The following CFAP299 variants were observed in gnomAD, a reference collection of about 807,000 sequenced individuals.
CFAP299 encodes the protein cilia- and flagella-associated protein 299.
A neutral mutation model predicts 27.0 loss-of-function variants in CFAP299; 21 were observed. The ratio of observed to expected loss-of-function variants is 0.78; its 90% CI spans 0.55 to 1.12. The LOEUF is 1.12. CFAP299 is among the 50% of genes most tolerant of loss of function. The pLI, the probability that CFAP299 is intolerant of heterozygous loss-of-function variation, is 0.00. For synonymous variants in CFAP299, 104 were observed against 98.1 expected, an observed-to-expected ratio of 1.06 and a Z score of -0.36; for missense variants, 310 against 276.6, an observed-to-expected ratio of 1.12 and a Z score of -0.86.
At chr4:80,610,377 A>C (rs538369612) in intron 3 of CFAP299, among the ~76,000 whole-genome samples, 7 of 152,218 alleles carry the variant, frequency 4.6e-5, no homozygotes, top group Non-Finnish European at 1.0e-4. Flanking sequence ...CATTTAAGAA[A>C]GCAAGAGCAA....
chr4:80,917,046 T>C (rs1735800467), intron 4 of CFAP299, among the ~76,000 whole-genome samples: 1 of 152,024 alleles, frequency 6.6e-6, no homozygotes, highest in African/African-American at 2.4e-5. Flanking sequence ...GAAGAAAAAG[T>C]GTGGCGGCAA....
At chr4:80,388,306 A>T in intron 2 of CFAP299, 1 of 687,908 alleles carries the variant, frequency 1.5e-6, no homozygotes, top group Non-Finnish European at 2.7e-6. Flanking sequence ...TGAGCAAGTC[A>T]TTGCTTACCA....
At chr4:80,767,640 T>C (rs1267962089) in intron 3 of CFAP299, among the ~76,000 whole-genome samples, 2 of 152,006 alleles carry the variant, frequency 1.3e-5, no homozygotes, top group African/African-American at 2.4e-5. Flanking sequence ...AAATAAAACC[T>C]TGTACTATAC....
At chr4:80,461,244 C>G (rs931587436) in intron 2 of CFAP299, among the ~76,000 whole-genome samples, 3 of 152,066 alleles carry the variant, frequency 2.0e-5, no homozygotes, top group African/African-American at 7.2e-5. Flanking sequence ...AGTTAATTCT[C>G]TCTTGGATCA....
chr4:80,431,489 T>TTCCTCC (rs748286463), intron 2 of CFAP299, among the ~76,000 whole-genome samples: 1 of 151,062 alleles, frequency 6.6e-6, no homozygotes, highest in South Asian at 2.1e-4. Context: ...TTCTTTCCGT[T>TTCCTCC]TCCTCCTCCT....
chr4:80,400,399 C>T (rs1726085068), intron 2 of CFAP299, among the ~76,000 whole-genome samples: 1 of 152,102 alleles, frequency 6.6e-6, no homozygotes, highest in Non-Finnish European at 1.5e-5. Context: ...AATTGTATCT[C>T]CCAGAATTCC....
chr4:80,894,470 T>C (rs1407375413), intron 4 of CFAP299, among the ~76,000 whole-genome samples: 2 of 152,024 alleles, frequency 1.3e-5, no homozygotes, highest in African/African-American at 4.8e-5. Flanking sequence ...TTACTGCCAA[T>C]TGCTGAAGTC....
intron 3 of CFAP299, among the ~76,000 whole-genome samples, chr4:80,777,288 G>A (rs1212445699): frequency 6.6e-6 from 1 of 152,040 alleles, no homozygotes; most frequent in African/African-American, 2.4e-5. Context: ...ATTCCATAAA[G>A]TATACTAAAG....
chr4:80,945,848 C>T (rs1737443032), intron 5 of CFAP299, among the ~76,000 whole-genome samples: 2 of 151,976 alleles, frequency 1.3e-5, no homozygotes, highest in African/African-American at 4.8e-5. Flanking sequence ...AGTACAGTTC[C>T]TTGCACATAA....
intron 3 of CFAP299, among the ~76,000 whole-genome samples, chr4:80,803,609 C>T (rs1728719550): frequency 6.6e-6 from 1 of 151,602 alleles, no homozygotes; most frequent in Non-Finnish European, 1.5e-5. Context: ...AACATGACAC[C>T]AGTTACATAT....
chr4:80,706,276 C>A (rs546824922), intron 3 of CFAP299, among the ~76,000 whole-genome samples: 1 of 151,334 alleles, frequency 6.6e-6, no homozygotes, highest in Admixed American at 6.6e-5. Context: ...CCCTAAACAT[C>A]GAAAGTTTTA....
At chr4:80,940,409 C>A (rs547621411) in intron 4 of CFAP299, among the ~76,000 whole-genome samples, 3 of 152,146 alleles carry the variant, frequency 2.0e-5, no homozygotes, top group Non-Finnish European at 4.4e-5. Context: ...CATGGGCCTG[C>A]GGGATCTCCC....
intron 3 of CFAP299, among the ~76,000 whole-genome samples, chr4:80,605,658 A>C (rs1216738343): frequency 1.3e-5 from 2 of 152,194 alleles, no homozygotes; most frequent in African/African-American, 2.4e-5. Flanking sequence ...TTATAAGAAT[A>C]AAATATTTGT....
chr4:80,851,305 A>T (rs1731509875), intron 3 of CFAP299, among the ~76,000 whole-genome samples: 1 of 152,144 alleles, frequency 6.6e-6, no homozygotes, highest in African/African-American at 2.4e-5. Context: ...ATTTTTAAGC[A>T]TCTACTATGA....
At chr4:80,587,677 A>G (rs1382146376) in intron 3 of CFAP299, among the ~76,000 whole-genome samples, 1 of 152,044 alleles carries the variant, frequency 6.6e-6, no homozygotes, top group Non-Finnish European at 1.5e-5. Context: ...ACTGCAGCCA[A>G]GATCTCCTGG....
intron 2 of CFAP299, among the ~76,000 whole-genome samples, chr4:80,390,606 C>CACACATATATGTATAT (rs1560543228): frequency 2.9e-4 from 38 of 132,664 alleles, no homozygotes; most frequent in African/African-American, 1.1e-3. Context: ...TATATGTATA[C>CACACATATATGTATAT]ACACATATGT....
At chr4:80,504,087 G>A (rs574818274) in intron 2 of CFAP299, among the ~76,000 whole-genome samples, 7 of 152,120 alleles carry the variant, frequency 4.6e-5, no homozygotes, top group African/African-American at 1.7e-4. Context: ...TAAAAGGGTG[G>A]TATATGGCAT....
At chr4:80,631,575 G>A (rs1005247514) in intron 3 of CFAP299, among the ~76,000 whole-genome samples, 6 of 151,950 alleles carry the variant, frequency 3.9e-5, no homozygotes, top group Non-Finnish European at 7.4e-5. Context: ...CAATATTTAA[G>A]GCTGTATCTT....
chr4:80,479,984 A>G (rs1401562410), intron 2 of CFAP299, among the ~76,000 whole-genome samples: 1 of 152,024 alleles, frequency 6.6e-6, no homozygotes, highest in East Asian at 1.9e-4. Context: ...TAATGGTTGT[A>G]TTCAAGTTTT....
Sources: gnomAD v4.1 joint callset for allele counts (sites outside exome capture counted in the v4.1 genomes callset) on GRCh38, gnomAD v4.1.1 for gene constraint, MANE v1.5 for transcripts, NCBI Gene and HGNC (gene_info 2026-07-23, HGNC 2026-07-21) for gene names.